SYN1: variants seen among roughly 807,000 people sequenced by gnomAD.
SYN1 encodes synapsin-1.
In SYN1, 8 loss-of-function variants were observed where a neutral mutation model predicts 44.6. That is an observed-to-expected ratio of 0.18 (90% CI 0.11 to 0.32). The LOEUF (loss-of-function observed/expected upper bound fraction) is 0.32. Among genes scored for constraint, SYN1 ranks in the 10% least tolerant of loss-of-function variants. The probability of loss-of-function intolerance (pLI) is 1.00; values close to 1 mark genes in which losing one functional copy is unlikely to be tolerated. For missense variants in SYN1, 451 were observed against 639.4 expected (o/e 0.71, Z 3.18); for synonymous variants, 275 against 280.1 (o/e 0.98, Z 0.18).
At chrX:47,574,911 G>A in intron 10 of SYN1, 136 bp from the exon 11 acceptor site, 1 of 786,437 alleles carries the variant, frequency 1.3e-6, no homozygotes, top group Non-Finnish European at 1.9e-6. Flanking sequence ...CTGGGTTGTG[G>A]GGTGGGGGAC....
chrX:47,585,620 C>T (rs1474181557), intron 5 of SYN1: 15 of 1,162,117 alleles, frequency 1.3e-5, no homozygotes, highest in South Asian at 6.0e-5. Flanking sequence ...CTTAGCTCAG[C>T]GCCGGGGCTT....
chrX:47,587,107 C>A (rs1330425662), intron 5 of SYN1, among the ~76,000 whole-genome samples: 2 of 112,876 alleles, frequency 1.8e-5, no homozygotes, highest in Admixed American at 1.9e-4. Context: ...CCACAGCTGA[C>A]AAATCACTGC....
intron 5 of SYN1, among the ~76,000 whole-genome samples, chrX:47,599,668 T>C (rs1049370460): frequency 8.9e-6 from 1 of 112,438 alleles, no homozygotes; most frequent in Non-Finnish European, 1.9e-5. Context: ...AAAGTCGATA[T>C]ACTAGAGTGA....
chrX:47,573,957 G>A (rs1253421322), intron 12 of SYN1, 45 bp downstream of exon 12: 1 of 1,082,787 alleles, frequency 9.2e-7, no homozygotes, highest in South Asian at 2.2e-5. Context: ...GCAGCGGCCC[G>A]CTTTGTGAGC....
Position 47,572,605 on chromosome X carries a change from T to G in SYN1, c.*259A>C. On this transcript the variant is annotated 3_prime_UTR_variant, in exon 13 of 13. Coordinates refer to ENST00000295987, the MANE Select transcript of SYN1 (RefSeq NM_006950.3). ...GCGGAGGTCTTCAGGAATGTGGAGG[T>G]TCTAAAACAGAAGTAGATCCTGAAG... 1 of 341,743 alleles carries G rather than the reference T, an allele frequency of 2.9e-6. No homozygotes were observed. The allele number at this position is 341,743 out of a possible 1,213,427, so 28.2% of individuals were successfully genotyped here. A position where few individuals can be genotyped will look rare whatever the true frequency, so the allele number is the denominator to read the frequency against.
At chrX:47,599,281 C>A (rs1482180347) in intron 5 of SYN1, among the ~76,000 whole-genome samples, 1 of 111,728 alleles carries the variant, frequency 9.0e-6, no homozygotes, top group South Asian at 3.7e-4. Context: ...GAAAAAAAAA[C>A]GTGCAGCTTG....
intron 5 of SYN1, among the ~76,000 whole-genome samples, chrX:47,580,658 G>A (rs188203906): frequency 8.0e-4 from 87 of 108,760 alleles, no homozygotes; most frequent in African/African-American, 2.0e-3. Context: ...TTAGAAGGCC[G>A]GGTGTGGTGG....
chrX:47,608,283 GAA>G (rs1460352438), intron 1 of SYN1, among the ~76,000 whole-genome samples: 1,665 of 10,148 alleles, frequency 0.16, 104 homozygotes, highest in African/African-American at 0.36. Flanking sequence ...AGGAAGGAAG[GAA>G]GGAAGGGGAA....
At chrX:47,595,123 C>T (rs934102133) in intron 5 of SYN1, among the ~76,000 whole-genome samples, 1 of 111,756 alleles carries the variant, frequency 8.9e-6, no homozygotes, top group Non-Finnish European at 1.9e-5. Flanking sequence ...TCTGGATAGC[C>T]GAACATGTGG....
At chrX:47,611,721 AG>A (rs2057917256) in intron 1 of SYN1, among the ~76,000 whole-genome samples, 1 of 111,544 alleles carries the variant, frequency 9.0e-6, no homozygotes, top group Non-Finnish European at 1.9e-5. Flanking sequence ...TGAGCAAGAG[AG>A]GGTGAGCATA....
chrX:47,608,419 G>T, intron 1 of SYN1, among the ~76,000 whole-genome samples: 1 of 112,026 alleles, frequency 8.9e-6, no homozygotes, highest in Non-Finnish European at 1.9e-5. Flanking sequence ...TGTGTGGCCT[G>T]AAGCATCTCT....
chrX:47,592,058 G>A (rs956005840), intron 5 of SYN1, among the ~76,000 whole-genome samples: 3 of 111,759 alleles, frequency 2.7e-5, no homozygotes, highest in Non-Finnish European at 5.6e-5. Flanking sequence ...AAAAGTTTCA[G>A]GCTGGACATG....
intron 1 of SYN1, among the ~76,000 whole-genome samples, chrX:47,610,674 T>C (rs955664955): frequency 9.1e-6 from 1 of 110,177 alleles, no homozygotes; most frequent in Non-Finnish European, 1.9e-5. Flanking sequence ...AGGAAGTTGG[T>C]GTGCTCTCCC....
rs764201581 is a variant in SYN1 at position 47,619,563 on chromosome X, C to T, written c.166G>A (p.Gly56Arg). 1 of 1,176,894 alleles carries T rather than the reference C, an allele frequency of 8.5e-7. No individual in the cohort carries two copies. Among genetic ancestry groups the T allele is most frequent in the Non-Finnish European group, 1.1e-6 (1 of 878,276 alleles). Residue 56 changes from glycine to arginine, a missense_variant, in exon 1 of 13, where the codon GGG (glycine) becomes AGG (arginine). By Grantham distance (125) the Gly-to-Arg change is moderately radical. Coordinates refer to ENST00000295987, the MANE Select transcript of SYN1 (RefSeq NM_006950.3). The part of the protein sequence containing the change: ...PGTATAERSS[G>R]VAPAASPAAP... ...GCCGGAGAGGCCGCTGGGGCGACCC[C>T]GGAGGACCTCTCGGCAGTGGCGGTC...
intron 5 of SYN1, chrX:47,587,648 C>G (rs1051830796): frequency 8.9e-6 from 1 of 112,175 alleles, no homozygotes. Flanking sequence ...AAACTAGGGT[C>G]TCTAGACTCG....
At chrX:47,589,368 C>T (rs2057839631) in intron 5 of SYN1, among the ~76,000 whole-genome samples, 1 of 105,119 alleles carries the variant, frequency 9.5e-6, no homozygotes, top group Non-Finnish European at 1.9e-5. Flanking sequence ...CCAAGGTGGG[C>T]AGATCACGAG....
chrX:47,574,043 G>C lies in SYN1; in HGVS notation c.1941C>G (p.Pro647=). ...GAGGTCCCCCTGCAGCGGCGGTGGC[G>C]GGTGGCGGCACGTCCTGGCTGGGTT... The part of the protein sequence containing the change: ...AQKPSQDVPP[P]ATAAAGGPPH... The change falls in exon 12 of 13, where the codon CCC becomes CCG. Residue 647 remains proline (P), a synonymous_variant. Transcript: ENST00000295987. The C allele has an allele frequency of 8.7e-7, 1 of 1,153,242 alleles. No individual in the cohort carries two copies. Among genetic ancestry groups the C allele is most frequent in the Non-Finnish European group, 1.1e-6 (1 of 870,277 alleles).
intron 3 of SYN1, 117 bp from the exon 4 acceptor site, chrX:47,605,496 A>C: frequency 2.3e-6 from 2 of 869,182 alleles, no homozygotes; most frequent in Non-Finnish European, 3.3e-6. Context: ...GTGGTTTCTC[A>C]CCTCTGCACA....
At chrX:47,589,936 T>C (rs1358956870) in intron 5 of SYN1, 4 of 111,769 alleles carry the variant, frequency 3.6e-5, no homozygotes, top group African/African-American at 1.3e-4. Context: ...CATGATAATA[T>C]ACGATATTGG....
Sources: gnomAD v4.1 joint callset for allele counts (sites outside exome capture counted in the v4.1 genomes callset) on GRCh38, gnomAD v4.1.1 for gene constraint, MANE v1.5 for transcripts, NCBI Gene and HGNC (gene_info 2026-07-23, HGNC 2026-07-21) for gene names.